SLC35F3: variants seen among roughly 807,000 people sequenced by gnomAD.
SLC35F3 encodes the protein solute carrier family 35 member F3.
Under a neutral mutation model 49.9 loss-of-function variants are expected in SLC35F3, and 25 were observed. The ratio of observed to expected loss-of-function variants is 0.50; its 90% CI spans 0.37 to 0.70. The LOEUF (loss-of-function observed/expected upper bound fraction) is 0.70, where lower values mean the gene tolerates loss of function less well. Ranked by LOEUF, SLC35F3 falls within the 30% of genes least tolerant of loss-of-function variation. The pLI, the probability that SLC35F3 is intolerant of heterozygous loss-of-function variation, is 0.00. For missense variants in SLC35F3, 525 were observed against 639.8 expected, an observed-to-expected ratio of 0.82 and a Z score of 1.94; for synonymous variants, 275 against 265.4, an observed-to-expected ratio of 1.04 and a Z score of -0.35.
intron 2 of SLC35F3, among the ~76,000 whole-genome samples, chr1:234,101,031 C>T (rs1401976691): frequency 1.3e-5 from 2 of 152,038 alleles, no homozygotes; most frequent in African/African-American, 4.8e-5. Flanking sequence ...GAACACAAGC[C>T]CCTTCCTACC....
chr1:234,237,514 T>C (rs1157814524), intron 3 of SLC35F3, among the ~76,000 whole-genome samples: 2 of 152,226 alleles, frequency 1.3e-5, no homozygotes, highest in Non-Finnish European at 2.9e-5. Context: ...GGAGCCCTAA[T>C]TAGCGATGCC....
At chr1:234,071,401 C>T (rs1664710255) in intron 2 of SLC35F3, among the ~76,000 whole-genome samples, 1 of 152,114 alleles carries the variant, frequency 6.6e-6, no homozygotes, top group African/African-American at 2.4e-5. Flanking sequence ...TTCATTAGAG[C>T]AAAGACGACG....
intron 2 of SLC35F3, among the ~76,000 whole-genome samples, chr1:234,104,904 G>A (rs189650624): frequency 6.6e-6 from 1 of 152,168 alleles, no homozygotes. Context: ...GCCGAGGCAG[G>A]CGGATCACGG....
At chr1:233,985,468 G>A (rs1224753037) in intron 2 of SLC35F3, among the ~76,000 whole-genome samples, 2 of 152,170 alleles carry the variant, frequency 1.3e-5, no homozygotes, top group African/African-American at 2.4e-5. Context: ...TAGAGATATG[G>A]AAGACTGATT....
At chr1:233,915,863 G>C (rs1661960238) in intron 2 of SLC35F3, among the ~76,000 whole-genome samples, 1 of 152,130 alleles carries the variant, frequency 6.6e-6, no homozygotes, top group Non-Finnish European at 1.5e-5. Flanking sequence ...AACAACATGG[G>C]AAAGACCTGC....
chr1:234,190,265 A>G (rs534562226), intron 2 of SLC35F3, among the ~76,000 whole-genome samples: 11 of 152,256 alleles, frequency 7.2e-5, no homozygotes, highest in Non-Finnish European at 1.5e-4. Context: ...TGCTTAAAAA[A>G]TACAGAATTG....
At chr1:233,924,397 A>G (rs1167251087) in intron 2 of SLC35F3, among the ~76,000 whole-genome samples, 1 of 152,188 alleles carries the variant, frequency 6.6e-6, no homozygotes, top group Non-Finnish European at 1.5e-5. Context: ...CCAGGAATTT[A>G]TCAATTTCTT....
chr1:234,078,948 C>G (rs1426916511), intron 2 of SLC35F3, among the ~76,000 whole-genome samples: 1 of 152,156 alleles, frequency 6.6e-6, no homozygotes, highest in African/African-American at 2.4e-5. Flanking sequence ...TTTCAACTGC[C>G]TCTTTTCCAG....
At chr1:234,100,084 A>G (rs1665192008) in intron 2 of SLC35F3, among the ~76,000 whole-genome samples, 1 of 152,224 alleles carries the variant, frequency 6.6e-6, no homozygotes, top group African/African-American at 2.4e-5. Context: ...ATTCTTAATC[A>G]AGTATATATA....
chr1:234,316,673 C>T lies in SLC35F3; in HGVS notation c.900C>T (p.Ser300=), dbSNP rs1456976267. 8 of 1,613,324 alleles carry T rather than the reference C, an allele frequency of 5.0e-6. No homozygotes were observed. Among genetic ancestry groups the T allele is most frequent in the South Asian group, 3.3e-5 (3 of 91,050 alleles). The part of the protein sequence containing the change: ...MTYADGFHSH[S]VIGIALVVAS... ...ACGCTGATGGCTTCCACAGCCACTC[C>T]GTCATCGGCATCGCACTGGTGGTGG... Residue 300 remains serine, a synonymous_variant, in exon 5 of 8, where the codon TCC becomes TCT. Coordinates refer to ENST00000366618, the MANE Select transcript of SLC35F3 (RefSeq NM_173508.4).
At chr1:234,142,921 T>A (rs1228669272) in intron 2 of SLC35F3, among the ~76,000 whole-genome samples, 1 of 152,234 alleles carries the variant, frequency 6.6e-6, no homozygotes, top group Non-Finnish European at 1.5e-5. Flanking sequence ...ATTTTATTTA[T>A]CATTTTTAAT....
chr1:234,210,598 T>C (rs1667033884), intron 2 of SLC35F3, among the ~76,000 whole-genome samples: 1 of 152,228 alleles, frequency 6.6e-6, no homozygotes. Flanking sequence ...CCCTAGAGAT[T>C]TGTGAAACTG....
intron 2 of SLC35F3, among the ~76,000 whole-genome samples, chr1:234,084,128 C>T (rs1484251133): frequency 2.0e-5 from 3 of 151,870 alleles, no homozygotes; most frequent in South Asian, 2.1e-4. Context: ...TGTGAGCCAC[C>T]GTGCCTGGCC....
chr1:234,225,572 A>T (rs182629183), intron 2 of SLC35F3, among the ~76,000 whole-genome samples: 1 of 152,342 alleles, frequency 6.6e-6, no homozygotes, highest in African/African-American at 2.4e-5. Context: ...TGGGTACTTT[A>T]AGCACTGCCA....
At chr1:234,090,734 G>A (rs925041013) in intron 2 of SLC35F3, among the ~76,000 whole-genome samples, 8 of 152,176 alleles carry the variant, frequency 5.3e-5, no homozygotes, top group Non-Finnish European at 1.0e-4. Context: ...AGGCCTAGTT[G>A]AAGGGTCAGT....
intron 2 of SLC35F3, among the ~76,000 whole-genome samples, chr1:233,908,394 C>T (rs554503596): frequency 6.6e-6 from 1 of 152,230 alleles, no homozygotes; most frequent in South Asian, 2.1e-4. Flanking sequence ...TTTGTATCCT[C>T]TTCATTTTTA....
chr1:234,188,957 T>C (rs955265582), intron 2 of SLC35F3, among the ~76,000 whole-genome samples: 2 of 151,884 alleles, frequency 1.3e-5, no homozygotes, highest in African/African-American at 4.8e-5. Context: ...AAATAACAAT[T>C]ACTACCGTTC....
chr1:234,221,796 G>A (rs1274420256), intron 2 of SLC35F3, among the ~76,000 whole-genome samples: 2 of 152,204 alleles, frequency 1.3e-5, no homozygotes, highest in African/African-American at 2.4e-5. Flanking sequence ...TATTGGACAT[G>A]TCGCCTGGCC....
At chr1:234,257,662 T>G (rs893391765) in intron 3 of SLC35F3, among the ~76,000 whole-genome samples, 2 of 152,172 alleles carry the variant, frequency 1.3e-5, no homozygotes, top group Non-Finnish European at 2.9e-5. Context: ...TCTATACAAC[T>G]TCGTAACTAC....
Sources: allele counts gnomAD v4.1 joint callset (sites outside exome capture counted in the v4.1 genomes callset), GRCh38; gene constraint gnomAD v4.1.1; transcripts MANE v1.5; gene names NCBI Gene and HGNC (gene_info 2026-07-23, HGNC 2026-07-21).